CNTN4: variants seen among roughly 807,000 people sequenced by gnomAD.
The protein encoded by CNTN4 is contactin 4, also known as contactin-4.
Under a neutral mutation model 122.5 loss-of-function variants are expected in CNTN4, and 77 were observed. The ratio of observed to expected loss-of-function variants is 0.63; its 90% confidence interval spans 0.52 to 0.76. The LOEUF (loss-of-function observed/expected upper bound fraction) is 0.76. CNTN4 is among the 30% of genes least tolerant of loss of function. The probability of loss-of-function intolerance (pLI) is 0.00; values close to 1 mark genes in which losing one functional copy is unlikely to be tolerated. For missense variants in CNTN4, 1,256 were observed against 1,259.1 expected, an observed-to-expected ratio of 1.00 and a Z score of 0.04; for synonymous variants, 512 against 447.0, an observed-to-expected ratio of 1.15 and a Z score of -1.83.
chr3:2,685,971 A>T (rs569220719), intron 4 of CNTN4, among the ~76,000 whole-genome samples: 4 of 152,192 alleles, frequency 2.6e-5, no homozygotes, highest in African/African-American at 9.7e-5. Flanking sequence ...TGCACAACCA[A>T]TTCCCAATTA....
intron 6 of CNTN4, among the ~76,000 whole-genome samples, chr3:2,818,949 C>T (rs1420164161): frequency 6.6e-6 from 1 of 152,088 alleles, no homozygotes; most frequent in Non-Finnish European, 1.5e-5. Flanking sequence ...TATGGAGAGA[C>T]AAGTATAATT....
At chr3:2,423,760 T>A (rs956917446) in intron 3 of CNTN4, among the ~76,000 whole-genome samples, 14 of 152,090 alleles carry the variant, frequency 9.2e-5, no homozygotes, top group African/African-American at 2.9e-4. Context: ...AATACCCTGT[T>A]AATTACAAAA....
intron 6 of CNTN4, among the ~76,000 whole-genome samples, chr3:2,804,059 A>ATGT (rs1553643755): frequency 9.4e-5 from 7 of 74,780 alleles, no homozygotes; most frequent in African/African-American, 3.5e-4. Flanking sequence ...ATATATATAT[A>ATGT]TGTCTGCACA....
At chr3:2,216,811 C>A (rs186613577) in intron 2 of CNTN4, among the ~76,000 whole-genome samples, 1 of 152,116 alleles carries the variant, frequency 6.6e-6, no homozygotes, top group Non-Finnish European at 1.5e-5. Flanking sequence ...TCCATAGTTA[C>A]GGCCTCTTGA....
intron 2 of CNTN4, among the ~76,000 whole-genome samples, chr3:2,193,524 G>C (rs2037688230): frequency 6.6e-6 from 1 of 152,152 alleles, no homozygotes; most frequent in Non-Finnish European, 1.5e-5. Flanking sequence ...TGCAGTATGT[G>C]GCCATAGACT....
intron 13 of CNTN4, among the ~76,000 whole-genome samples, chr3:2,944,023 C>G (rs2094646119): frequency 6.6e-6 from 1 of 151,858 alleles, no homozygotes; most frequent in Non-Finnish European, 1.5e-5. Context: ...AATTGTAGTT[C>G]CATAGTAAAA....
chr3:2,276,894 C>T (rs571311078), intron 2 of CNTN4, among the ~76,000 whole-genome samples: 6 of 152,056 alleles, frequency 3.9e-5, no homozygotes, highest in South Asian at 2.1e-4. Context: ...CCAGCCTGGG[C>T]GAGCTACTGC....
intron 4 of CNTN4, among the ~76,000 whole-genome samples, chr3:2,705,756 A>G (rs1385026731): frequency 1.9e-5 from 2 of 103,094 alleles, no homozygotes; most frequent in East Asian, 2.8e-4. Context: ...GATATATAAT[A>G]TATAATATAT....
intron 4 of CNTN4, among the ~76,000 whole-genome samples, chr3:2,579,036 C>G (rs1422364624): frequency 2.0e-5 from 3 of 152,242 alleles, no homozygotes; most frequent in Non-Finnish European, 2.9e-5. Flanking sequence ...GATTTTATAT[C>G]CCCATAGGCA....
chr3:2,558,253 A>G (rs1190959704), intron 3 of CNTN4, among the ~76,000 whole-genome samples: 1 of 152,170 alleles, frequency 6.6e-6, no homozygotes, highest in Non-Finnish European at 1.5e-5. Context: ...TTGGTATAAC[A>G]CTGTTAACTA....
At chr3:3,043,732 C>A (rs1700369101) in intron 23 of CNTN4, 28 bp downstream of exon 23, 21 of 1,450,654 alleles carry the variant, frequency 1.4e-5, no homozygotes, top group Non-Finnish European at 1.9e-5. Flanking sequence ...TGCAAAGGCA[C>A]CTAATCGTGC....
At chr3:3,048,516 CTGTGTGTGTG>C (rs765657967) in intron 23 of CNTN4, among the ~76,000 whole-genome samples, 2 of 112,804 alleles carry the variant, frequency 1.8e-5, no homozygotes, top group South Asian at 3.1e-4. Flanking sequence ...CTCTCTCTCT[CTGTGTGTGTG>C]TGTGTGTGTG....
At position 2,902,983 on chromosome 3, in the gene CNTN4, C is replaced by A; in HGVS notation, c.1185C>A (p.Ser395=). ...LAENKHGVIF[S]NAELSVIAVG... ...AGAATAAACATGGAGTTATCTTTTC[C>A]AACGCAGAGCTTAGTGTTATAGGTG... is the stretch of plus-strand genomic sequence containing the variant. The change falls in exon 12 of 25, where the codon TCC becomes TCA. Residue 395 remains serine, a synonymous_variant. Transcript: ENST00000418658. The A allele has an allele frequency of 6.2e-7, 1 of 1,613,630 alleles. No homozygotes were observed. Among genetic ancestry groups the A allele is most frequent in the Non-Finnish European group, 8.5e-7 (1 of 1,179,826 alleles).
rs533303035 is a variant in CNTN4 at position 2,877,366 on chromosome 3, C to T, written c.653-5779C>T. 2.6e-5 allele frequency among the ~76,000 whole-genome samples: 4 copies of T among 152,164 alleles called. No individual in the cohort carries two copies. The South Asian group carries it at 8.3e-4, about 32-fold the overall frequency. On this transcript the variant is annotated intron_variant, in intron 8 of 24. Transcript: ENST00000418658. ...CTTTGATATATGGAATTTCAAGTGCCGTAACCTTCATTACTATTGTTGTAT... is the reference window on the plus strand; with the variant it reads ...CTTTGATATATGGAATTTCAAGTGCTGTAACCTTCATTACTATTGTTGTAT...
intron 3 of CNTN4, among the ~76,000 whole-genome samples, chr3:2,514,069 G>T (rs928704739): frequency 6.6e-6 from 1 of 152,126 alleles, no homozygotes; most frequent in Admixed American, 6.6e-5. Flanking sequence ...GAAAGCCCTG[G>T]GGTTGAGCCA....
intron 2 of CNTN4, among the ~76,000 whole-genome samples, chr3:2,327,049 G>T (rs1476048332): frequency 2.0e-5 from 3 of 152,038 alleles, no homozygotes; most frequent in Non-Finnish European, 4.4e-5. Context: ...GCCTACCCTG[G>T]AGTTCAGTTA....
intron 2 of CNTN4, among the ~76,000 whole-genome samples, chr3:2,196,637 T>C (rs1402384017): frequency 6.6e-6 from 1 of 152,150 alleles, no homozygotes; most frequent in African/African-American, 2.4e-5. Context: ...TAAAGAAATA[T>C]AGACAAGGGA....
At chr3:2,335,426 A>T (rs2043909694) in intron 2 of CNTN4, among the ~76,000 whole-genome samples, 1 of 152,114 alleles carries the variant, frequency 6.6e-6, no homozygotes, top group East Asian at 1.9e-4. Context: ...GGCTCATTTT[A>T]TTCGAAAGGA....
chr3:2,989,789 C>G (rs775802315), intron 14 of CNTN4, among the ~76,000 whole-genome samples: 1 of 152,108 alleles, frequency 6.6e-6, no homozygotes, highest in Non-Finnish European at 1.5e-5. Flanking sequence ...GCAGTTCTAG[C>G]TAGAGGTTTT....
Sources: gnomAD v4.1 joint callset for allele counts (sites outside exome capture counted in the v4.1 genomes callset) on GRCh38, gnomAD v4.1.1 for gene constraint, MANE v1.5 for transcripts, NCBI Gene and HGNC (gene_info 2026-07-23, HGNC 2026-07-21) for gene names.